RPTOR: variants seen among roughly 807,000 people sequenced by gnomAD.
RPTOR encodes the protein regulatory associated protein of MTOR complex 1.
Under a neutral mutation model 169.9 loss-of-function variants are expected in RPTOR, and 21 were observed. The observed-to-expected ratio is 0.12, with a 90% CI of 0.09 to 0.18. RPTOR has a LOEUF of 0.18. Among genes scored for constraint, RPTOR ranks in the 10% least tolerant of loss-of-function variants. The probability of loss-of-function intolerance (pLI) is 1.00; values close to 1 mark genes in which losing one functional copy is unlikely to be tolerated. For missense variants in RPTOR, 1,133 were observed against 1,855.9 expected (o/e 0.61, Z 7.16); for synonymous variants, 732 against 753.2 (o/e 0.97, Z 0.46).
chr17:80,844,138 C>A lies in RPTOR; in HGVS notation c.1213-2335C>A, dbSNP rs1044262091. Reference sequence around the variant, plus strand: ...GCCCTGTGAATCATGGGTGGAGACACGGGCCGCTCTCGAGATGTTTTCCGG... The same window carrying A: ...GCCCTGTGAATCATGGGTGGAGACAAGGGCCGCTCTCGAGATGTTTTCCGG... On this transcript the variant is annotated intron_variant, in intron 10 of 33. Transcript: ENST00000306801. The surrounding 1 kb of genome is among the most constrained non-coding windows in gnomAD (Gnocchi z 4.7). Among the ~76,000 whole-genome samples the A allele has an allele frequency of 6.6e-6, 1 of 152,144 alleles. No homozygotes were observed. The highest frequency in any genetic ancestry group is 1.5e-5 in the Non-Finnish European group (1 of 68,028).
intron 33 of RPTOR, 52 bp from the exon 34 acceptor site, chr17:80,964,210 G>GGGTCGGCCCCCC: frequency 1.8e-6 from 1 of 563,472 alleles, no homozygotes; most frequent in Non-Finnish European, 2.9e-6. Flanking sequence ...CCCGCCCCCC[G>GGGTCGGCCCCCC]CAGTGTCTGC....
chr17:80,805,949 A>G (rs1417585327), intron 7 of RPTOR, among the ~76,000 whole-genome samples: 2 of 152,188 alleles, frequency 1.3e-5, no homozygotes, highest in Admixed American at 1.3e-4. Context: ...GTTCAACCCT[A>G]CATTTACTTC....
rs1383327468 is a variant in RPTOR at position 80,922,693 on chromosome 17, G to C, written c.2521-31G>C. 7 of 1,536,360 alleles carry C rather than the reference G, an allele frequency of 4.6e-6. No homozygotes were observed. The East Asian group carries it at 1.5e-4, about 32-fold the overall frequency. On this transcript the variant is annotated intron_variant, in intron 21 of 33. Transcript: ENST00000306801. ...GGCCTCCGCGGAGCACGTCCCGTCT[G>C]ACCTTCACACCCCCATTCCTTTGCC... is the stretch of plus-strand genomic sequence containing the variant.
rs2066147448 is a variant in RPTOR at position 80,707,074 on chromosome 17, C to T, written c.349-767C>T. Among the ~76,000 whole-genome samples the T allele has an allele frequency of 6.6e-6, 1 of 152,134 alleles. No homozygotes were observed. Among genetic ancestry groups the T allele is most frequent in the Non-Finnish European group, 1.5e-5 (1 of 68,036 alleles). On this transcript the variant is annotated intron_variant, in intron 3 of 33. Transcript: ENST00000306801. The surrounding 1 kb of genome is among the most constrained non-coding windows in gnomAD (Gnocchi z 5.0). ...TTCTCTGTCAGTTTTAGATTCTGCT[C>T]ATTCAGGGTTAAGGGCCCAGGCAGG...
chr17:80,880,678 G>C (rs901335025), intron 14 of RPTOR, among the ~76,000 whole-genome samples, 189 bp downstream of exon 14: 1 of 152,212 alleles, frequency 6.6e-6, no homozygotes. Context: ...TACCATGAGC[G>C]CAGCTGTTAT....
chr17:80,854,013 A>G (rs1282880713), intron 11 of RPTOR, among the ~76,000 whole-genome samples: 2 of 152,116 alleles, frequency 1.3e-5, no homozygotes, highest in Non-Finnish European at 2.9e-5. Flanking sequence ...CTTTAATATA[A>G]CAGAAAAAGT....
At chr17:80,679,425 T>C (rs1455227100) in intron 3 of RPTOR, among the ~76,000 whole-genome samples, 1 of 152,138 alleles carries the variant, frequency 6.6e-6, no homozygotes, top group African/African-American at 2.4e-5. Context: ...GTAGAAAAGA[T>C]TTTTGGGGGG....
At position 80,837,969 on chromosome 17, in the gene RPTOR, C is replaced by A; in HGVS notation, c.1184C>A (p.Thr395Lys). 6.2e-7 allele frequency: 1 copy of A among 1,611,970 alleles called. No homozygotes were observed. Among genetic ancestry groups the A allele is most frequent in the East Asian group, 2.2e-5 (1 of 44,864 alleles). The change falls in exon 10 of 34, where the codon ACG becomes AAG. Residue 395 changes from threonine to lysine, a missense_variant. Thr to Lys is a moderately conservative substitution (Grantham distance 78, BLOSUM62 -1). Coordinates refer to ENST00000306801, the MANE Select transcript of RPTOR (RefSeq NM_020761.3). ...GACATCTGTCTGTCTCAGCTGCCGACGATCATCGAGGAAGGCACTGCGTTT... is the reference window on the plus strand; with the variant it reads ...GACATCTGTCTGTCTCAGCTGCCGAAGATCATCGAGGAAGGCACTGCGTTT... Reference protein sequence around the residue: ...AVDICLSQLPTIIEEGTAFRH... With the variant: ...AVDICLSQLPKIIEEGTAFRH...
rs2066579622 is a variant in RPTOR at position 80,746,740 on chromosome 17, AG to A, written c.655-7268del. On this transcript the variant is annotated intron_variant, in intron 5 of 33. Transcript: ENST00000306801. The surrounding 1 kb of genome is among the most constrained non-coding windows in gnomAD (Gnocchi z 4.5). ...ATCACAAGCACTCAGCCTTACACGC[AG>A]GCCTGTTTCTGAAAGATAGTTTCAA... Among the ~76,000 whole-genome samples, 1 of 152,198 alleles carries A rather than the reference AG, an allele frequency of 6.6e-6. No individual in the cohort carries two copies. Among genetic ancestry groups the A allele is most frequent in the African/African-American group, 2.4e-5 (1 of 41,436 alleles).
chr17:80,942,974 C>T (rs1229565958), intron 25 of RPTOR, among the ~76,000 whole-genome samples: 1 of 152,262 alleles, frequency 6.6e-6, no homozygotes, highest in Non-Finnish European at 1.5e-5. Context: ...GCTGCCGCCG[C>T]ACCAAAGCCT....
chr17:80,750,100 C>T (rs1484973043), intron 5 of RPTOR, among the ~76,000 whole-genome samples: 1 of 152,152 alleles, frequency 6.6e-6, no homozygotes, highest in African/African-American at 2.4e-5. Flanking sequence ...GATCCTCCCA[C>T]CTCAGCCTCC....
chr17:80,754,232 C>G lies in RPTOR; in HGVS notation c.830+47C>G. The G allele has an allele frequency of 6.6e-7, 1 of 1,522,956 alleles. No individual in the cohort carries two copies. Among genetic ancestry groups the G allele is most frequent in the Non-Finnish European group, 8.8e-7 (1 of 1,130,162 alleles). The allele number at this position is 1,522,956 out of a possible 1,614,324, so 94.3% of individuals were successfully genotyped here. A position where few individuals can be genotyped will look rare whatever the true frequency, so the allele number is the denominator to read the frequency against. ...CCTGGGACCCACTCAACTGGGCTCTCCCGCAGGGACCCCAACCCATGTGGG... is the reference window on the plus strand; with the variant it reads ...CCTGGGACCCACTCAACTGGGCTCTGCCGCAGGGACCCCAACCCATGTGGG... On this transcript the variant is annotated intron_variant, in intron 6 of 33. Transcript: ENST00000306801. This position sits in a 1 kb window ranked among gnomAD's most constrained non-coding sequence, Gnocchi z 4.2.
At chr17:80,755,612 G>T (rs2066672492) in intron 6 of RPTOR, among the ~76,000 whole-genome samples, 1 of 151,886 alleles carries the variant, frequency 6.6e-6, no homozygotes, top group South Asian at 2.1e-4. Context: ...GGTAGCACAT[G>T]CCTATATTCC....
chr17:80,775,669 A>G (rs1048082831), intron 6 of RPTOR, among the ~76,000 whole-genome samples: 8 of 152,214 alleles, frequency 5.3e-5, no homozygotes, highest in African/African-American at 1.9e-4. Context: ...GTCAAACCAC[A>G]TGACCCAGAA....
chr17:80,623,660 G>A (rs962037830), intron 1 of RPTOR, among the ~76,000 whole-genome samples: 5 of 151,308 alleles, frequency 3.3e-5, no homozygotes, highest in Non-Finnish European at 7.4e-5. Flanking sequence ...CTCAGCCTCC[G>A]GAGTAGCTAG....
At chr17:80,832,900 C>T (rs73366901) in intron 9 of RPTOR, among the ~76,000 whole-genome samples, 1 of 152,208 alleles carries the variant, frequency 6.6e-6, no homozygotes, top group South Asian at 2.1e-4. Flanking sequence ...AAAGAGGGAA[C>T]AAAGCCTAAC....
intron 4 of RPTOR, among the ~76,000 whole-genome samples, chr17:80,716,960 T>C (rs1036480922): frequency 6.6e-6 from 1 of 152,248 alleles, no homozygotes; most frequent in Non-Finnish European, 1.5e-5. Context: ...CATGCTGTTT[T>C]GGTGACTATG....
chr17:80,822,240 T>A lies in RPTOR; in HGVS notation c.930T>A (p.Gly310=). Residue 310 remains glycine (G), a synonymous_variant, in exon 8 of 34, where the codon GGT becomes GGA. Transcript: ENST00000306801. ...GRLNDRRTPL[G]ELNWIFTAIT... ...TGAACGACAGGAGGACGCCCCTGGG[T>A]GAACTGAACTGGATCTTCACAGCCA... 6.2e-7 allele frequency: 1 copy of A among 1,614,082 alleles called. No homozygotes were observed. Among genetic ancestry groups the A allele is most frequent in the Non-Finnish European group, 8.5e-7 (1 of 1,180,010 alleles).
At chr17:80,952,855 C>CTTT (rs139746545) in intron 28 of RPTOR, among the ~76,000 whole-genome samples, 3 of 98,078 alleles carry the variant, frequency 3.1e-5, no homozygotes, top group Non-Finnish European at 3.7e-5. Flanking sequence ...TTCTTTTCTT[C>CTTT]TTTTTTTTTT....
Sources: allele counts gnomAD v4.1 joint callset (sites outside exome capture counted in the v4.1 genomes callset), GRCh38; gene constraint gnomAD v4.1.1; non-coding constraint Gnocchi (gnomAD v3.1); transcripts MANE v1.5; gene names NCBI Gene and HGNC (gene_info 2026-07-23, HGNC 2026-07-21).